Variants in NME7 observed in about 807,000 individuals in gnomAD.
NME7 encodes NME/NM23 family member 7, also known as nucleoside diphosphate kinase 7.
A neutral mutation model predicts 49.1 loss-of-function variants in NME7; 41 were observed. The observed-to-expected ratio is 0.83, with a 90% CI of 0.65 to 1.08. The LOEUF (loss-of-function observed/expected upper bound fraction) is 1.08. Among genes scored for constraint, NME7 ranks in the 50% least tolerant of loss-of-function variants. The pLI is 0.00. For synonymous variants in NME7, 139 were observed against 150.6 expected, an observed-to-expected ratio of 0.92 and a Z score of 0.56; for missense variants, 423 against 463.4, an observed-to-expected ratio of 0.91 and a Z score of 0.80.
chr1:169,313,853 GA>G (rs1651506835), intron 3 of NME7, among the ~76,000 whole-genome samples: 1 of 152,094 alleles, frequency 6.6e-6, no homozygotes, highest in Non-Finnish European at 1.5e-5. Context: ...TCAGGTAATA[GA>G]AAACTGTAAG....
At chr1:169,223,786 T>TAG (rs202096714) in intron 10 of NME7, among the ~76,000 whole-genome samples, 2,649 of 150,186 alleles carry the variant, frequency 0.018, 58 homozygotes, top group African/African-American at 0.059. Context: ...TATATATATA[T>TAG]AGAGAGAGAG....
At chr1:169,359,464 C>CTGTG (rs1472534003) in intron 1 of NME7, among the ~76,000 whole-genome samples, 1 of 145,218 alleles carries the variant, frequency 6.9e-6, no homozygotes, top group African/African-American at 2.5e-5. Flanking sequence ...GGATATGTAT[C>CTGTG]TCTGTGTGTG....
intron 10 of NME7, among the ~76,000 whole-genome samples, chr1:169,174,227 ATATT>A (rs1470031775): frequency 6.6e-6 from 1 of 152,196 alleles, no homozygotes; most frequent in Non-Finnish European, 1.5e-5. Context: ...AAAGAAGGGA[ATATT>A]TATTTAATTA....
At chr1:169,268,394 G>A (rs10919119) in intron 7 of NME7, among the ~76,000 whole-genome samples, 62,038 of 131,982 alleles carry the variant, frequency 0.47, 22,082 homozygotes, top group East Asian at 0.91. Flanking sequence ...TTCCTCAAAG[G>A]CCTAAAGCCA....
chr1:169,362,740 C>T (rs141548056), intron 1 of NME7, among the ~76,000 whole-genome samples: 1 of 152,272 alleles, frequency 6.6e-6, no homozygotes, highest in East Asian at 1.9e-4. Context: ...GTTTCTTAGG[C>T]CTGTTCTTTC....
At chr1:169,172,307 C>T (rs1455952432) in intron 10 of NME7, among the ~76,000 whole-genome samples, 2 of 149,150 alleles carry the variant, frequency 1.3e-5, no homozygotes, top group Non-Finnish European at 3.0e-5. Flanking sequence ...AACAAACCCA[C>T]AAAAACAAAA....
At chr1:169,357,441 A>G (rs1245846745) in intron 1 of NME7, among the ~76,000 whole-genome samples, 1 of 152,040 alleles carries the variant, frequency 6.6e-6, no homozygotes, top group Non-Finnish European at 1.5e-5. Flanking sequence ...GCATGCCACA[A>G]CCTAGGTGTT....
intron 4 of NME7, among the ~76,000 whole-genome samples, chr1:169,305,427 TTG>T (rs1651133791): frequency 6.6e-6 from 1 of 152,242 alleles, no homozygotes; most frequent in Non-Finnish European, 1.5e-5. Flanking sequence ...CTTCTGGATA[TTG>T]TCATCATGGC....
intron 1 of NME7, among the ~76,000 whole-genome samples, chr1:169,340,352 A>G (rs1047554438): frequency 6.6e-6 from 1 of 152,128 alleles, no homozygotes; most frequent in African/African-American, 2.4e-5. Context: ...GCCTACTGCC[A>G]TGATTGTTAA....
chr1:169,354,987 A>ATATAATATAATTATATATGTT (rs1653341638), intron 1 of NME7, among the ~76,000 whole-genome samples: 1 of 47,268 alleles, frequency 2.1e-5, no homozygotes, highest in South Asian at 3.8e-4. Flanking sequence ...ATATGTTTAT[A>ATATAATATAATTATATATGTT]TATAATATAA....
At position 169,324,422 on chromosome 1, in the gene NME7, A is replaced by C. The variant is rs976608892; in HGVS notation, c.82T>G (p.Phe28Val). The change falls in exon 2 of 12, where the codon TTT becomes GTT. Residue 28 changes from phenylalanine to valine, a missense_variant. By Grantham distance (50) the Phe-to-Val change is conservative. Transcript: ENST00000367811. ...TCAACAGATCCATCCCCTGGGTAAA[A>C]TAAAAGCTCATAACGTCGAAGAAGT... ...ASLLRRYELL[F>V]YPGDGSVEMH... 6.2e-7 allele frequency: 1 copy of C among 1,613,330 alleles called. No individual in the cohort carries two copies. The highest frequency in any genetic ancestry group is 1.1e-5 in the South Asian group (1 of 91,050).
intron 10 of NME7, among the ~76,000 whole-genome samples, chr1:169,193,304 C>T (rs559798383): frequency 6.6e-6 from 1 of 152,264 alleles, no homozygotes; most frequent in African/African-American, 2.4e-5. Flanking sequence ...CAAAGTCTCT[C>T]TTTTTGTCCT....
chr1:169,155,769 T>C (rs551314901), intron 11 of NME7, among the ~76,000 whole-genome samples: 1 of 152,092 alleles, frequency 6.6e-6, no homozygotes, highest in Admixed American at 6.5e-5. Context: ...TTAGTTTTTT[T>C]TTTTTTTTTG....
chr1:169,170,109 T>G (rs979231474), intron 10 of NME7, among the ~76,000 whole-genome samples: 18 of 152,182 alleles, frequency 1.2e-4, no homozygotes, highest in Non-Finnish European at 2.1e-4. Flanking sequence ...CTCCTAGTGG[T>G]ATGGGATAAT....
chr1:169,319,463 G>T (rs1456899615), intron 3 of NME7, among the ~76,000 whole-genome samples: 1 of 152,182 alleles, frequency 6.6e-6, no homozygotes, highest in South Asian at 2.1e-4. Context: ...TAGTTCAAAA[G>T]GTTATTTAGG....
chr1:169,274,980 G>C (rs1322738536), intron 7 of NME7, among the ~76,000 whole-genome samples: 1 of 132,704 alleles, frequency 7.5e-6, no homozygotes, highest in Non-Finnish European at 1.8e-5. Flanking sequence ...GAAATTTAAA[G>C]TAGTTTTTTC....
chr1:169,179,187 G>A (rs560931033), intron 10 of NME7, among the ~76,000 whole-genome samples: 1 of 152,200 alleles, frequency 6.6e-6, no homozygotes, highest in African/African-American at 2.4e-5. Context: ...AATACATGTG[G>A]CCAAAAAACA....
intron 7 of NME7, among the ~76,000 whole-genome samples, chr1:169,265,793 G>T (rs1649300353): frequency 7.6e-6 from 1 of 131,162 alleles, no homozygotes; most frequent in Non-Finnish European, 1.8e-5. Context: ...CATTACCACT[G>T]ACCCCACAGA....
chr1:169,297,825 G>A (rs1372081927), intron 6 of NME7, among the ~76,000 whole-genome samples: 1 of 152,120 alleles, frequency 6.6e-6, no homozygotes, highest in Non-Finnish European at 1.5e-5. Context: ...AGAATTTGGA[G>A]GCTATTGTAG....
Sources: gnomAD v4.1 joint callset for allele counts (sites outside exome capture counted in the v4.1 genomes callset) on GRCh38, gnomAD v4.1.1 for gene constraint, MANE v1.5 for transcripts, NCBI Gene and HGNC (gene_info 2026-07-23, HGNC 2026-07-21) for gene names.